The following CSMD1 variants were observed in gnomAD, a reference collection of about 807,000 sequenced individuals.
The protein encoded by CSMD1 is CUB and Sushi multiple domains 1, also known as CUB and sushi domain-containing protein 1.
Under a neutral mutation model 417.5 loss-of-function variants are expected in CSMD1, and 213 were observed. The ratio of observed to expected loss-of-function variants is 0.51; its 90% confidence interval spans 0.46 to 0.57. The LOEUF (loss-of-function observed/expected upper bound fraction) is 0.57, where lower values mean the gene tolerates loss of function less well. CSMD1 is among the 20% of genes least tolerant of loss of function. The probability of loss-of-function intolerance (pLI) is 0.00; values close to 1 mark genes in which losing one functional copy is unlikely to be tolerated. For missense variants in CSMD1, 6,923 were observed against 4,529.7 expected (o/e 1.53, Z -15.17); for synonymous variants, 2,862 against 1,736.8 (o/e 1.65, Z -16.11).
chr8:4,177,980 C>G (rs1798145924), intron 3 of CSMD1, among the ~76,000 whole-genome samples: 1 of 152,168 alleles, frequency 6.6e-6, no homozygotes, highest in South Asian at 2.1e-4. Context: ...TATGGACTCA[C>G]AGCCAAATTC....
In CSMD1 at chr8:4,566,895, C is replaced by CAATGAGAAAAACTCCATTTAGG. The variant is rs11267326; in HGVS notation, c.302+70446_302+70447insCCTAAATGGAGTTTTTCTCATT. Reference sequence around the variant, plus strand: ...ATTGACTTGGCTGAATGTTTTCCAGCAATGAGAAAAAGTCAATTCAGGAAT... The same window carrying CAATGAGAAAAACTCCATTTAGG: ...ATTGACTTGGCTGAATGTTTTCCAGCAATGAGAAAAACTCCATTTAGGAATGAGAAAAAGTCAATTCAGGAAT... On this transcript the variant is annotated intron_variant, in intron 2 of 69. Transcript: ENST00000635120. Among the ~76,000 whole-genome samples, 12 of 151,426 alleles carry CAATGAGAAAAACTCCATTTAGG rather than the reference C, an allele frequency of 7.9e-5. No homozygotes were observed. The East Asian group carries it at 2.4e-3, about 30-fold the overall frequency.
At chr8:4,914,123 C>T (rs1388320478) in intron 1 of CSMD1, among the ~76,000 whole-genome samples, 1 of 152,074 alleles carries the variant, frequency 6.6e-6, no homozygotes, top group East Asian at 1.9e-4. Flanking sequence ...GTGTTGAGCT[C>T]CCTACACAGT....
rs75656493 is a variant in CSMD1 at position 4,324,385 on chromosome 8, G to A, written c.415+95568C>T. On this transcript the variant is annotated intron_variant, in intron 3 of 69. Coordinates refer to ENST00000635120, the MANE Select transcript of CSMD1 (RefSeq NM_033225.6). ...CCATGGATGGGACACCAGAGGTGGG[G>A]CAGGAGCAAGGAGGGGTTCCTCACC... Among the ~76,000 whole-genome samples the A allele has an allele frequency of 8.1e-3, 1,230 of 152,324 alleles. 11 individuals carry two copies. The highest frequency in any genetic ancestry group is 0.027 in the African/African-American group (1,137 of 41,580).
At chr8:4,661,157 T>C (rs750302864) in intron 1 of CSMD1, among the ~76,000 whole-genome samples, 1 of 152,130 alleles carries the variant, frequency 6.6e-6, no homozygotes, top group African/African-American at 2.4e-5. Context: ...CACAAAAACC[T>C]GCACATGAAA....
At chr8:3,076,114 C>T (rs1171769838) in intron 49 of CSMD1, among the ~76,000 whole-genome samples, 4 of 151,948 alleles carry the variant, frequency 2.6e-5, no homozygotes, top group Admixed American at 6.6e-5. Flanking sequence ...TGTCTGTATT[C>T]TTTTGCCAGG....
chr8:2,953,705 C>T (rs1424097650), intron 65 of CSMD1, among the ~76,000 whole-genome samples: 1 of 152,162 alleles, frequency 6.6e-6, no homozygotes, highest in East Asian at 1.9e-4. Flanking sequence ...CTATATAATG[C>T]TTTTAGCAAA....
At chr8:4,401,149 G>C (rs1017155532) in intron 3 of CSMD1, among the ~76,000 whole-genome samples, 2 of 152,082 alleles carry the variant, frequency 1.3e-5, no homozygotes, top group African/African-American at 2.4e-5. Flanking sequence ...GCTGGGAGTC[G>C]AGGATTCATC....
chr8:4,068,035 C>G (rs140056833), intron 3 of CSMD1, among the ~76,000 whole-genome samples: 2 of 152,020 alleles, frequency 1.3e-5, no homozygotes, highest in Non-Finnish European at 2.9e-5. Context: ...GAGCCGAGAT[C>G]ATGCCACTGC....
chr8:4,923,137 T>C (rs1005702396), intron 1 of CSMD1, among the ~76,000 whole-genome samples: 13 of 152,182 alleles, frequency 8.5e-5, no homozygotes, highest in Admixed American at 2.6e-4. Flanking sequence ...AGGGGAAATA[T>C]TTTTAAAATA....
chr8:3,953,882 G>A (rs1355530883), intron 5 of CSMD1, among the ~76,000 whole-genome samples: 2 of 152,206 alleles, frequency 1.3e-5, no homozygotes, highest in African/African-American at 4.8e-5. Context: ...GAGGTGCTGT[G>A]CAGGCCCCAG....
At chr8:4,937,605 C>G (rs976677906) in intron 1 of CSMD1, among the ~76,000 whole-genome samples, 28 of 152,168 alleles carry the variant, frequency 1.8e-4, no homozygotes, top group African/African-American at 6.8e-4. Flanking sequence ...CCCTAAATAC[C>G]TTGGCAGTGT....
chr8:3,380,707 G>A (rs987156841), intron 18 of CSMD1, among the ~76,000 whole-genome samples: 1 of 152,034 alleles, frequency 6.6e-6, no homozygotes, highest in Non-Finnish European at 1.5e-5. Flanking sequence ...CATGGACACA[G>A]GCTGGGGAAA....
intron 1 of CSMD1, among the ~76,000 whole-genome samples, chr8:4,777,743 T>C (rs1796938096): frequency 6.6e-6 from 1 of 152,098 alleles, no homozygotes; most frequent in African/African-American, 2.4e-5. Context: ...TGTTTCAAAA[T>C]GTAATACATG....
rs1406929246 is a variant in CSMD1 at position 3,230,157 on chromosome 8, C to T, written c.4228G>A (p.Gly1410Arg). 4 of 1,613,498 alleles carry T rather than the reference C, an allele frequency of 2.5e-6. No individual in the cohort carries two copies. The highest frequency in any genetic ancestry group is 3.4e-6 in the Non-Finnish European group (4 of 1,179,734). The change falls in exon 27 of 70, where the codon GGA (glycine) becomes AGA (arginine). Residue 1410 changes from glycine to arginine, a missense_variant. Transcript: ENST00000635120. ...TCACACTGGAATGTGACGGTGTCTC[C>T]AGCCTCTCTGCTGTCTCCATAGCGG... The part of the protein sequence containing the change: ...GTRYGDSREA[G>R]DTVTFQCDPG...
chr8:4,465,704 G>C (rs1396543672), intron 2 of CSMD1, among the ~76,000 whole-genome samples: 1 of 152,172 alleles, frequency 6.6e-6, no homozygotes, highest in Non-Finnish European at 1.5e-5. Context: ...AAAGGAAGAA[G>C]AATGGTAGGA....
chr8:4,134,069 C>T (rs950764848), intron 3 of CSMD1, among the ~76,000 whole-genome samples: 4 of 151,994 alleles, frequency 2.6e-5, no homozygotes, highest in Non-Finnish European at 5.9e-5. Flanking sequence ...AGATTAATTG[C>T]TATTATTATA....
chr8:4,236,489 G>C (rs1390596757), intron 3 of CSMD1, among the ~76,000 whole-genome samples: 1 of 152,156 alleles, frequency 6.6e-6, no homozygotes, highest in Non-Finnish European at 1.5e-5. Context: ...TCATGGGCCA[G>C]AGTAGGAATC....
Position 4,197,254 on chromosome 8 carries a change from G to A in CSMD1, c.416-165155C>T, listed in dbSNP as rs78556420. 1.1e-3 allele frequency among the ~76,000 whole-genome samples: 171 copies of A among 152,310 alleles called. 1 individual carries two copies. Among genetic ancestry groups the A allele is most frequent in the South Asian group, 1.0e-2 (48 of 4,824 alleles). On this transcript the variant is annotated intron_variant, in intron 3 of 69. Coordinates refer to ENST00000635120, the MANE Select transcript of CSMD1 (RefSeq NM_033225.6). ...ATTCACAGATAATTTCGTATAACCA[G>A]ATAGATTTTCAAATTGAGAAGTATT...
At chr8:3,299,254 C>G (rs534416027) in intron 25 of CSMD1, among the ~76,000 whole-genome samples, 2 of 152,178 alleles carry the variant, frequency 1.3e-5, no homozygotes, top group South Asian at 2.1e-4. Flanking sequence ...GAGTTCGAGA[C>G]CAGCCTGGCC....
Sources: allele counts gnomAD v4.1 joint callset (sites outside exome capture counted in the v4.1 genomes callset), GRCh38; gene constraint gnomAD v4.1.1; transcripts MANE v1.5; gene names NCBI Gene and HGNC (gene_info 2026-07-23, HGNC 2026-07-21).